SPTA1: variants seen among roughly 807,000 people sequenced by gnomAD.
SPTA1 encodes spectrin alpha chain, erythrocytic 1.
A neutral mutation model predicts 324.7 loss-of-function variants in SPTA1; 177 were observed. The observed-to-expected ratio is 0.55, with a 90% CI of 0.48 to 0.62. SPTA1 has a LOEUF of 0.62. Among genes scored for constraint, SPTA1 ranks in the 20% least tolerant of loss-of-function variants. SPTA1 has a pLI of 0.00. For missense variants in SPTA1, 3,162 were observed against 2,883.6 expected, an observed-to-expected ratio of 1.10 and a Z score of -2.21; for synonymous variants, 1,195 against 1,041.3, an observed-to-expected ratio of 1.15 and a Z score of -2.84.
In SPTA1 at chr1:158,681,607, C is replaced by T; in HGVS notation, c.451G>A (p.Gly151Ser). The change falls in exon 4 of 52, where the codon GGT becomes AGT. Residue 151 changes from glycine (G) to serine (S), a missense_variant. By Grantham distance (56) the Gly-to-Ser change is moderately conservative. Coordinates refer to ENST00000643759, the MANE Select transcript of SPTA1 (RefSeq NM_003126.4). ...DLLLELTLEK[G>S]DQLLRALKFQ... Reference sequence around the variant, plus strand: ...TTCAGGGCCCGCAGCAACTGGTCACCCTTCTCCAGGGTCAGCTCTAACAGC... The same window carrying T: ...TTCAGGGCCCGCAGCAACTGGTCACTCTTCTCCAGGGTCAGCTCTAACAGC... 6.2e-7 allele frequency: 1 copy of T among 1,613,790 alleles called. No individual in the cohort carries two copies. The highest frequency in any genetic ancestry group is 8.5e-7 in the Non-Finnish European group (1 of 1,179,812).
intron 42 of SPTA1, among the ~76,000 whole-genome samples, chr1:158,624,136 C>T (rs1453702641): frequency 5.3e-5 from 8 of 152,216 alleles, no homozygotes; most frequent in Admixed American, 3.3e-4. Flanking sequence ...TAGAAGTCTA[C>T]TGCAGGGGCA....
chr1:158,614,635 A>G (rs1649450283), intron 48 of SPTA1: 2 of 245,692 alleles, frequency 8.1e-6, no homozygotes, highest in East Asian at 9.2e-5. Context: ...TTCACTTATC[A>G]TAGCTGCTTT....
chr1:158,630,568 T>C (rs897819776), intron 39 of SPTA1, among the ~76,000 whole-genome samples: 2 of 152,010 alleles, frequency 1.3e-5, no homozygotes, highest in African/African-American at 4.8e-5. Context: ...ATCTTCATGA[T>C]ACTGGTCTTG....
In SPTA1 at chr1:158,657,648, G is replaced by A; in HGVS notation, c.2634C>T (p.Asn878=). The A allele has an allele frequency of 6.2e-7, 1 of 1,613,922 alleles. No homozygotes were observed. Among genetic ancestry groups the A allele is most frequent in the Non-Finnish European group, 8.5e-7 (1 of 1,179,982 alleles). ...EDVASRVKSL[N]QNMESLRARA... ...GAGCACGGAGAGACTCCATATTCTG[G>A]TTCAAACTCTTGACCCTAGAGGCCA... Residue 878 remains asparagine (N), a synonymous_variant, in exon 19 of 52, where the codon AAC becomes AAT. Transcript: ENST00000643759.
At position 158,643,398 on chromosome 1, in the gene SPTA1, A is replaced by C; in HGVS notation, c.4366T>G (p.Phe1456Val). ...TCATCAGCAATGAGGCTCTCAGCAA[A>C]ATGTTCTAGGTCAGTGATCTTCCCT... ...QEGKITDLEH[F>V]AESLIADEHY... Residue 1456 changes from phenylalanine to valine, a missense_variant, in exon 31 of 52, where the codon TTT (phenylalanine) becomes GTT (valine). Phe to Val is a conservative substitution (Grantham distance 50). Transcript: ENST00000643759. 1 of 1,613,796 alleles carries C rather than the reference A, an allele frequency of 6.2e-7. No individual in the cohort carries two copies. The highest frequency in any genetic ancestry group is 8.5e-7 in the Non-Finnish European group (1 of 1,179,876).
chr1:158,643,729 A>T (rs1400879155), intron 30 of SPTA1, among the ~76,000 whole-genome samples: 1 of 152,170 alleles, frequency 6.6e-6, no homozygotes, highest in Non-Finnish European at 1.5e-5. Context: ...CCTAAAAGTC[A>T]GAGTTTAGAA....
chr1:158,620,447 T>C lies in SPTA1; in HGVS notation c.6140A>G (p.Glu2047Gly), dbSNP rs558962936. The change falls in exon 44 of 52, where the codon GAA (glutamate) becomes GGA (glycine). Residue 2047 changes from glutamate (E) to glycine (G), a missense_variant. Transcript: ENST00000643759. The stretch of plus-strand genomic sequence containing the variant: ...CAAAGCTGAAGCCTTATGTGCAAAT[T>C]CCACGAACAGGTCCTCAGCCTGCAG... ...PLQKAEDLFV[E>G]FAHKASALNN... 6.2e-7 allele frequency: 1 copy of C among 1,613,038 alleles called. No homozygotes were observed. The highest frequency in any genetic ancestry group is 8.5e-7 in the Non-Finnish European group (1 of 1,180,008).
At chr1:158,668,494 C>A (rs1343953997) in intron 14 of SPTA1, among the ~76,000 whole-genome samples, 2 of 151,978 alleles carry the variant, frequency 1.3e-5, no homozygotes, top group Non-Finnish European at 2.9e-5. Context: ...ACAAGCTTCA[C>A]AAAATGAAAT....
intron 13 of SPTA1, 39 bp from the exon 14 acceptor site, chr1:158,669,602 A>C (rs1303845999): frequency 3.7e-6 from 6 of 1,613,982 alleles, no homozygotes; most frequent in Non-Finnish European, 5.1e-6. Flanking sequence ...CAGCACAACC[A>C]AATATGGACA....
In SPTA1 at chr1:158,652,601, G is replaced by T. The variant is rs759895093; in HGVS notation, c.3241C>A (p.Arg1081Ser). ...AEERRRRLLQ[R>S]YNEFLLAYEA... is the part of the protein sequence containing the mutation. ...TAGGCCAATAAAAATTCATTATAAC[G>T]TTGCAATAGACGACGTCTGCGTTCT... Residue 1081 changes from arginine to serine, a missense_variant, in exon 23 of 52, where the codon CGT becomes AGT. Physicochemically the swap from Arg to Ser is moderately radical, Grantham distance 110. Transcript: ENST00000643759. 3.1e-6 allele frequency: 5 copies of T among 1,614,020 alleles called. No homozygotes were observed. The highest frequency in any genetic ancestry group is 4.2e-6 in the Non-Finnish European group (5 of 1,180,006).
At chr1:158,613,990 G>C (rs922708525) in intron 49 of SPTA1, 123 bp from the exon 50 acceptor site, 2 of 1,125,926 alleles carry the variant, frequency 1.8e-6, no homozygotes, top group African/African-American at 3.1e-5. Flanking sequence ...AACTATCAGA[G>C]GACTGAATAC....
intron 17 of SPTA1, among the ~76,000 whole-genome samples, chr1:158,662,369 TACAGCCTAAACACAA>T (rs1331914733): frequency 6.6e-6 from 1 of 152,150 alleles, no homozygotes; most frequent in Non-Finnish European, 1.5e-5. Flanking sequence ...AGGGGCCAGC[TACAGCCTAAACACAA>T]ACACTTAGTA....
intron 42 of SPTA1, among the ~76,000 whole-genome samples, chr1:158,625,677 A>G (rs1241823780): frequency 6.6e-6 from 1 of 151,876 alleles, no homozygotes; most frequent in African/African-American, 2.4e-5. Context: ...TTCAAAAAAA[A>G]TTAACTGAAT....
At position 158,653,321 on chromosome 1, in the gene SPTA1, T is replaced by C; in HGVS notation, c.3141A>G (p.Arg1047=). ...DEFPMLPQRR[R]EEPGNITQRQ... ...GCTGGGTGATGTTTCCTGGCTCTTC[T>C]CGTCGCCGCTGTGGGAGCATCGGGA... Residue 1047 remains arginine, a synonymous_variant, in exon 22 of 52, where the codon CGA becomes CGG. Transcript: ENST00000643759. The C allele has an allele frequency of 3.7e-6, 6 of 1,614,132 alleles. No individual in the cohort carries two copies. The highest frequency in any genetic ancestry group is 4.2e-6 in the Non-Finnish European group (5 of 1,180,008).
intron 4 of SPTA1, 111 bp downstream of exon 4, chr1:158,681,416 C>G (rs1654799077): frequency 5.8e-6 from 9 of 1,554,884 alleles, no homozygotes; most frequent in Admixed American, 3.3e-5. Flanking sequence ...AAGAACAAAG[C>G]CAGGAACAGA....
Position 158,657,511 on chromosome 1 carries a change from T to C in SPTA1, c.2771A>G (p.Asn924Ser). 6.2e-7 allele frequency: 1 copy of C among 1,613,424 alleles called. No homozygotes were observed. The highest frequency in any genetic ancestry group is 8.5e-7 in the Non-Finnish European group (1 of 1,179,524). Reference sequence around the variant, plus strand: ...TTCTTCATCAGCACCATAGTTAGTATTATCTACAATAGGTTCCTTCTCTCT... The same window carrying C: ...TTCTTCATCAGCACCATAGTTAGTACTATCTACAATAGGTTCCTTCTCTCT... The part of the protein sequence containing the change: ...WIREKEPIVD[N>S]TNYGADEEAA... The change falls in exon 19 of 52, where the codon AAT becomes AGT. Residue 924 changes from asparagine to serine, a missense_variant. By Grantham distance (46) the Asn-to-Ser change is conservative. Transcript: ENST00000643759.
Position 158,639,687 on chromosome 1 carries a change from C to G in SPTA1, c.4876-1G>C. On this transcript the variant is annotated splice_acceptor_variant, in intron 34 of 51. Transcript: ENST00000643759. LOFTEE classifies it high-confidence loss of function. ...CTTTCATGGCCAGCAATGTCTCTGC[C>G]TGGAAATAGAGAAATAAGCAATAAA... 1 of 1,613,796 alleles carries G rather than the reference C, an allele frequency of 6.2e-7. No individual in the cohort carries two copies. Among genetic ancestry groups the G allele is most frequent in the Non-Finnish European group, 8.5e-7 (1 of 1,179,892 alleles).
intron 6 of SPTA1, among the ~76,000 whole-genome samples, chr1:158,678,082 C>T (rs117256659): frequency 1.5e-4 from 23 of 152,244 alleles, no homozygotes; most frequent in African/African-American, 5.1e-4. Context: ...CAGCTCCTTA[C>T]GAATGCTTTT....
At chr1:158,619,881 C>T (rs985606496) in intron 44 of SPTA1, among the ~76,000 whole-genome samples, 2 of 152,092 alleles carry the variant, frequency 1.3e-5, no homozygotes, top group African/African-American at 4.8e-5. Flanking sequence ...CATATAAAGC[C>T]TCATGAACTT....
Sources: gnomAD v4.1 joint callset for allele counts (sites outside exome capture counted in the v4.1 genomes callset) on GRCh38, gnomAD v4.1.1 for gene constraint, MANE v1.5 for transcripts, NCBI Gene and HGNC (gene_info 2026-07-23, HGNC 2026-07-21) for gene names.